ANO6: variants seen among roughly 807,000 people sequenced by gnomAD.
The protein encoded by ANO6 is anoctamin-6.
Under a neutral mutation model 117.5 loss-of-function variants are expected in ANO6, and 106 were observed. That is an observed-to-expected ratio of 0.90 (90% CI 0.77 to 1.06). ANO6 has a LOEUF of 1.06. Ranked by LOEUF, ANO6 falls within the 50% of genes least tolerant of loss-of-function variation. The probability of loss-of-function intolerance (pLI) is 0.00; values close to 1 mark genes in which losing one functional copy is unlikely to be tolerated. For missense variants in ANO6, 955 were observed against 1,121.1 expected (o/e 0.85, Z 2.12); for synonymous variants, 367 against 385.1 (o/e 0.95, Z 0.55).
chr12:45,250,792 T>C (rs1018065999), intron 1 of ANO6, among the ~76,000 whole-genome samples: 6 of 147,970 alleles, frequency 4.1e-5, no homozygotes, highest in Non-Finnish European at 8.9e-5. Context: ...AGAGACAGTG[T>C]CTCACTATGT....
At chr12:45,237,623 G>A (rs1488542068) in intron 1 of ANO6, among the ~76,000 whole-genome samples, 2 of 152,164 alleles carry the variant, frequency 1.3e-5, no homozygotes, top group African/African-American at 2.4e-5. Flanking sequence ...TTTGGTTACT[G>A]TAGGCTTGTA....
intron 16 of ANO6, among the ~76,000 whole-genome samples, chr12:45,414,229 T>C (rs1304829379): frequency 6.6e-6 from 1 of 151,814 alleles, no homozygotes; most frequent in East Asian, 1.9e-4. Flanking sequence ...GAGAGCAGTA[T>C]AGGATTATGA....
intron 9 of ANO6, among the ~76,000 whole-genome samples, chr12:45,370,467 GT>G: frequency 6.6e-6 from 1 of 152,322 alleles, no homozygotes; most frequent in African/African-American, 2.4e-5. Flanking sequence ...TCTCAAAAGA[GT>G]AGAGCTAAGA....
intron 4 of ANO6, 136 bp downstream of exon 4, chr12:45,347,223 CA>C (rs1313752509): frequency 1.3e-6 from 1 of 794,054 alleles, no homozygotes; most frequent in Non-Finnish European, 2.2e-6. Context: ...AGGAGTCAAT[CA>C]AAATCTGCAT....
intron 1 of ANO6, among the ~76,000 whole-genome samples, chr12:45,220,467 A>G (rs1379718207): frequency 3.3e-5 from 5 of 152,180 alleles, no homozygotes; most frequent in African/African-American, 4.8e-5. Context: ...TTAATCACCT[A>G]TAAATCTGAT....
At chr12:45,249,191 G>C (rs1947867256) in intron 1 of ANO6, among the ~76,000 whole-genome samples, 1 of 152,180 alleles carries the variant, frequency 6.6e-6, no homozygotes, top group Non-Finnish European at 1.5e-5. Flanking sequence ...CAGCAACTTA[G>C]TTTGAACTGA....
At chr12:45,328,566 G>A (rs532716475) in intron 2 of ANO6, among the ~76,000 whole-genome samples, 1 of 152,176 alleles carries the variant, frequency 6.6e-6, no homozygotes, top group East Asian at 1.9e-4. Flanking sequence ...AGGAATATGT[G>A]TCATTCATAA....
At chr12:45,371,293 C>T (rs553539725) in intron 9 of ANO6, among the ~76,000 whole-genome samples, 2,093 of 152,312 alleles carry the variant, frequency 0.014, 40 homozygotes, top group African/African-American at 0.047. Flanking sequence ...GAGGGGCGCC[C>T]GCCATTGCCC....
chr12:45,411,469 T>A (rs1943084598), intron 16 of ANO6, among the ~76,000 whole-genome samples: 1 of 152,196 alleles, frequency 6.6e-6, no homozygotes, highest in South Asian at 2.1e-4. Context: ...GAAATCTGTG[T>A]TTTGTCCTTC....
At chr12:45,361,179 G>GTT (rs1194607382) in intron 8 of ANO6, among the ~76,000 whole-genome samples, 2 of 150,902 alleles carry the variant, frequency 1.3e-5, no homozygotes, top group African/African-American at 4.9e-5. Flanking sequence ...CTGAACACAG[G>GTT]ATGTCTTTTC....
chr12:45,385,255 CAGA>C (rs60457736), intron 10 of ANO6, among the ~76,000 whole-genome samples: 11,988 of 151,910 alleles, frequency 0.079, 733 homozygotes, highest in African/African-American at 0.17. Context: ...TTTTGAAGGG[CAGA>C]AGAAGGGTTG....
At chr12:45,392,111 G>A (rs1163361826) in intron 12 of ANO6, among the ~76,000 whole-genome samples, 1 of 152,210 alleles carries the variant, frequency 6.6e-6, no homozygotes, top group Non-Finnish European at 1.5e-5. Context: ...GGGAAGCCGT[G>A]ACAGACTATC....
At position 45,350,737 on chromosome 12, in the gene ANO6, C is replaced by G. The variant is rs761437689; in HGVS notation, c.826C>G (p.Arg276Gly). 2 of 1,613,524 alleles carry G rather than the reference C, an allele frequency of 1.2e-6. No individual in the cohort carries two copies. Among genetic ancestry groups the G allele is most frequent in the African/African-American group, 1.3e-5 (1 of 74,834 alleles). The change falls in exon 7 of 20, where the codon CGA (arginine) becomes GGA (glycine). Residue 276 changes from arginine (R) to glycine (G), a missense_variant. By Grantham distance (125) the Arg-to-Gly change is moderately radical. Transcript: ENST00000320560. ...TCTGTACAGAGAATGGGCTCATCCT[C>G]GAAGCATATACAAAAAGCAGCCCTT... The part of the protein sequence containing the change: ...YLLYREWAHP[R>G]SIYKKQPLDL...
At chr12:45,315,942 C>G (rs1940009211) in intron 2 of ANO6, among the ~76,000 whole-genome samples, 1 of 152,072 alleles carries the variant, frequency 6.6e-6, no homozygotes, top group African/African-American at 2.4e-5. Context: ...TGCTAACCTC[C>G]TCAGGTAGGC....
At chr12:45,244,565 A>G (rs1174901534) in intron 1 of ANO6, among the ~76,000 whole-genome samples, 1 of 152,194 alleles carries the variant, frequency 6.6e-6, no homozygotes, top group Non-Finnish European at 1.5e-5. Flanking sequence ...CCTTGATCCA[A>G]AAGGGGACTG....
rs905515186 is a variant in ANO6, at chr12:45,347,878, T to C, written c.346-150T>C. 3.9e-5 allele frequency: 29 copies of C among 753,142 alleles called. No homozygotes were observed. In the Admixed American group the frequency reaches 5.8e-4, roughly 15 times the overall value. The allele number at this position is 753,142 out of a possible 1,614,324, so 46.7% of individuals were successfully genotyped here. On this transcript the variant is annotated intron_variant, in intron 4 of 19. Coordinates refer to ENST00000320560, the MANE Select transcript of ANO6 (RefSeq NM_001025356.3). Reference sequence around the variant, plus strand: ...TTTAAGACAAAAATTTATGATGGTTTGCAAATCTGTTTTTATTGTTATCTT... The same window carrying C: ...TTTAAGACAAAAATTTATGATGGTTCGCAAATCTGTTTTTATTGTTATCTT...
At chr12:45,269,840 T>C (rs1391323788) in intron 1 of ANO6, among the ~76,000 whole-genome samples, 1 of 152,214 alleles carries the variant, frequency 6.6e-6, no homozygotes, top group African/African-American at 2.4e-5. Flanking sequence ...GTTAATTCAA[T>C]GTAGTTTTCT....
intron 1 of ANO6, among the ~76,000 whole-genome samples, chr12:45,254,769 A>G (rs1937751846): frequency 6.6e-6 from 1 of 152,222 alleles, no homozygotes; most frequent in Admixed American, 6.5e-5. Flanking sequence ...GATTATACCT[A>G]CTTTGTTAAC....
At chr12:45,433,382 G>T (rs577156865), downstream of ANO6, among the ~76,000 whole-genome samples, 1 of 152,334 alleles carries the variant, frequency 6.6e-6, no homozygotes, top group East Asian at 1.9e-4. Flanking sequence ...GGCAGTGGAT[G>T]TTTGCTGGGC....
Sources: allele counts gnomAD v4.1 joint callset (sites outside exome capture counted in the v4.1 genomes callset), GRCh38; gene constraint gnomAD v4.1.1; transcripts MANE v1.5; gene names NCBI Gene and HGNC (gene_info 2026-07-23, HGNC 2026-07-21).